RAP2A: variants seen among roughly 807,000 people sequenced by gnomAD.
RAP2A encodes ras-related protein Rap-2a.
In RAP2A, 5 loss-of-function variants were observed where a neutral mutation model predicts 15.1. The ratio of observed to expected loss-of-function variants is 0.33; its 90% CI spans 0.17 to 0.70. The LOEUF is 0.70. Among genes scored for constraint, RAP2A ranks in the 30% least tolerant of loss-of-function variants. The probability of loss-of-function intolerance (pLI) is 0.68; values close to 1 mark genes in which losing one functional copy is unlikely to be tolerated. For synonymous variants in RAP2A, 110 were observed against 99.7 expected (o/e 1.10, Z -0.62); for missense variants, 111 against 240.3 (o/e 0.46, Z 3.56).
chr13:97,459,100 G>A (rs1204722664), intron 1 of RAP2A, among the ~76,000 whole-genome samples: 2 of 152,102 alleles, frequency 1.3e-5, no homozygotes, highest in African/African-American at 4.8e-5. Flanking sequence ...TGCCCTTAAA[G>A]GAAATTTCAA....
intron 1 of RAP2A, among the ~76,000 whole-genome samples, chr13:97,461,681 A>C (rs901631409): frequency 1.3e-5 from 2 of 152,166 alleles, no homozygotes; most frequent in Non-Finnish European, 2.9e-5. Context: ...AACATGATAC[A>C]GGCTGGGTGC....
At position 97,467,894 on chromosome 13, in the gene RAP2A, AT is replaced by A. The variant is rs1162522726; in HGVS notation, c.*3455del. 6.6e-6 allele frequency: 1 copy of A among 152,662 alleles called. No individual in the cohort carries two copies. The highest frequency in any genetic ancestry group is 1.5e-5 in the Non-Finnish European group (1 of 68,038). 9.5% of individuals were successfully genotyped at this position (152,662 alleles called of 1,614,324 possible). ...ACAATGTCAGTTGTTAAACCTTGAC[AT>A]TTCAATTAAAACATGAATTGTAGTT... is the stretch of plus-strand genomic sequence containing the variant. On this transcript the variant is annotated 3_prime_UTR_variant, in exon 2 of 2. Coordinates refer to ENST00000245304, the MANE Select transcript of RAP2A (RefSeq NM_021033.7).
Position 97,465,233 on chromosome 13 carries a change from A to G in RAP2A, c.*791A>G, listed in dbSNP as rs920513247. On this transcript the variant is annotated 3_prime_UTR_variant, in exon 2 of 2. Transcript: ENST00000245304. ...GGTGGTCTTTATAACTTTACTGAAC[A>G]AGAGGGAAGCAACTGTGATGGGAAG... 2 of 152,616 alleles carry G rather than the reference A, an allele frequency of 1.3e-5. No individual in the cohort carries two copies. The highest frequency in any genetic ancestry group is 2.9e-5 in the Non-Finnish European group (2 of 68,048). 9.5% of individuals were successfully genotyped at this position (152,616 alleles called of 1,614,324 possible).
intron 1 of RAP2A, among the ~76,000 whole-genome samples, chr13:97,447,650 G>A (rs1306007213): frequency 1.3e-5 from 2 of 152,170 alleles, no homozygotes; most frequent in African/African-American, 4.8e-5. Flanking sequence ...ATTTTAGATA[G>A]TGTACATCCA....
intron 1 of RAP2A, 37 bp from the exon 2 acceptor site, chr13:97,464,168 G>C: frequency 6.2e-7 from 1 of 1,601,800 alleles, no homozygotes; most frequent in South Asian, 1.1e-5. Flanking sequence ...TGTGCTAACT[G>C]TTACAATGTA....
chr13:97,436,785 A>C (rs1450590014), intron 1 of RAP2A, among the ~76,000 whole-genome samples: 1 of 152,222 alleles, frequency 6.6e-6, no homozygotes, highest in Non-Finnish European at 1.5e-5. Context: ...TTGATATAAA[A>C]AGATCATTGA....
rs1177765177 is a variant in RAP2A, at chr13:97,468,028, G to C, written c.*3586G>C. 6.6e-6 allele frequency: 1 copy of C among 152,062 alleles called. No homozygotes were observed. Among genetic ancestry groups the C allele is most frequent in the African/African-American group, 2.4e-5 (1 of 41,400 alleles). The allele number at this position is 152,062 out of a possible 1,614,324, so 9.4% of individuals were successfully genotyped here. ...CTTTGTTTTGTACATGCTCATGAGA[G>C]AAATGTATTATATACAAAAACAATT... On this transcript the variant is annotated 3_prime_UTR_variant, in exon 2 of 2. Coordinates refer to ENST00000245304, the MANE Select transcript of RAP2A (RefSeq NM_021033.7).
chr13:97,461,275 G>C (rs539616147), intron 1 of RAP2A, among the ~76,000 whole-genome samples: 1 of 152,136 alleles, frequency 6.6e-6, no homozygotes, highest in South Asian at 2.1e-4. Flanking sequence ...ATTTATCACC[G>C]TCTGGTATTC....
chr13:97,439,654 A>T (rs1455143890), intron 1 of RAP2A, among the ~76,000 whole-genome samples: 1 of 152,198 alleles, frequency 6.6e-6, no homozygotes, highest in Admixed American at 6.5e-5. Flanking sequence ...AAGACTCAGG[A>T]TCATCTGCGT....
intron 1 of RAP2A, among the ~76,000 whole-genome samples, chr13:97,458,145 T>A (rs2066731569): frequency 6.6e-6 from 1 of 152,154 alleles, no homozygotes; most frequent in Non-Finnish European, 1.5e-5. Context: ...AATTGAAGCA[T>A]CAGTTTTTTT....
At chr13:97,462,803 G>A (rs2066753533) in intron 1 of RAP2A, among the ~76,000 whole-genome samples, 1 of 152,128 alleles carries the variant, frequency 6.6e-6, no homozygotes, top group African/African-American at 2.4e-5. Context: ...TTGATATAGT[G>A]TCAAAGAAAA....
At chr13:97,464,065 G>A in intron 1 of RAP2A, 140 bp from the exon 2 acceptor site, 2 of 723,788 alleles carry the variant, frequency 2.8e-6, no homozygotes, top group Non-Finnish European at 2.3e-6. Flanking sequence ...TAAGTATCAA[G>A]CCAAGTGGTA....
chr13:97,443,618 C>G (rs1470855126), intron 1 of RAP2A, among the ~76,000 whole-genome samples: 2 of 152,200 alleles, frequency 1.3e-5, no homozygotes, highest in Non-Finnish European at 2.9e-5. Flanking sequence ...TCTCAAACTC[C>G]TGGCCTCAAG....
At chr13:97,435,892 G>T (rs1313158750) in intron 1 of RAP2A, 1 of 152,132 alleles carries the variant, frequency 6.6e-6, no homozygotes, top group Non-Finnish European at 1.5e-5. Context: ...AAAGATGGTT[G>T]TAAGTGCACC....
rs1022788060 is a variant in RAP2A at position 97,434,249 on chromosome 13, G to C, written c.-222G>C. On this transcript the variant is annotated 5_prime_UTR_variant, in exon 1 of 2. Transcript: ENST00000245304. ...GCCCTCAGTCCCACCCGGTGCCTAC[G>C]GGGCCGCATCGCCGCCCGGCTCGGC... The C allele has an allele frequency of 6.5e-6, 1 of 152,906 alleles. No homozygotes were observed. Among genetic ancestry groups the C allele is most frequent in the South Asian group, 1.8e-4 (1 of 5,500 alleles). The allele number at this position is 152,906 out of a possible 1,614,324, so 9.5% of individuals were successfully genotyped here.
Position 97,464,698 on chromosome 13 carries a change from G to A in RAP2A, c.*256G>A. The A allele has an allele frequency of 2.1e-6, 1 of 476,754 alleles. No homozygotes were observed. The highest frequency in any genetic ancestry group is 3.7e-6 in the Non-Finnish European group (1 of 267,504). 29.5% of individuals were successfully genotyped at this position (476,754 alleles called of 1,614,324 possible). A position where few individuals can be genotyped will look rare whatever the true frequency, so the allele number is the denominator to read the frequency against. On this transcript the variant is annotated 3_prime_UTR_variant, in exon 2 of 2. Coordinates refer to ENST00000245304, the MANE Select transcript of RAP2A (RefSeq NM_021033.7). ...AAGGCATAGTCCATCGATCTACAGG[G>A]TGATCTCATTTGAAAGCTATGATGG...
chr13:97,446,720 G>A (rs1045100490), intron 1 of RAP2A, among the ~76,000 whole-genome samples: 1 of 152,310 alleles, frequency 6.6e-6, no homozygotes, highest in Admixed American at 6.5e-5. Context: ...CCGGAGGCTA[G>A]ATAGAGAGGA....
Position 97,455,680 on chromosome 13 carries a change from T to C in RAP2A, c.315-8525T>C, listed in dbSNP as rs141157721. 1.8e-3 allele frequency among the ~76,000 whole-genome samples: 280 copies of C among 151,636 alleles called. 4 individuals are homozygous for C. The highest frequency in any genetic ancestry group is 6.5e-3 in the African/African-American group (267 of 41,216). ...GTCTGAGACATAGGAGTGGTTTAAA[T>C]TGTAGTTCAGTTCTTTAACCTTTGT... is the stretch of plus-strand genomic sequence containing the variant. On this transcript the variant is annotated intron_variant, in intron 1 of 1. Coordinates refer to ENST00000245304, the MANE Select transcript of RAP2A (RefSeq NM_021033.7).
chr13:97,462,003 T>TAGA (rs2066748984), intron 1 of RAP2A, among the ~76,000 whole-genome samples: 1 of 145,186 alleles, frequency 6.9e-6, no homozygotes, highest in South Asian at 2.1e-4. Context: ...TATATTTATA[T>TAGA]TTATATATTT....
Sources: gnomAD v4.1 joint callset for allele counts (sites outside exome capture counted in the v4.1 genomes callset) on GRCh38, gnomAD v4.1.1 for gene constraint, MANE v1.5 for transcripts, NCBI Gene and HGNC (gene_info 2026-07-23, HGNC 2026-07-21) for gene names.